MDFIC2: variants seen among roughly 807,000 people sequenced by gnomAD.
MDFIC2 encodes the protein MyoD family inhibitor domain containing 2.
At chr3:70,309,438 A>AG (rs1702436173) in intron 2 of MDFIC2, among the ~76,000 whole-genome samples, 1 of 152,182 alleles carries the variant, frequency 6.6e-6, no homozygotes, top group Non-Finnish European at 1.5e-5. Flanking sequence ...GCTTTTAAAG[A>AG]GGGAAAAAAA....
chr3:70,296,510 TAA>T (rs1204785162), intron 2 of MDFIC2, among the ~76,000 whole-genome samples: 1 of 152,038 alleles, frequency 6.6e-6, no homozygotes, highest in Non-Finnish European at 1.5e-5. Flanking sequence ...TAAGATAATT[TAA>T]AAAAAATCAT....
intron 2 of MDFIC2, among the ~76,000 whole-genome samples, chr3:70,213,060 T>TG (rs1442495186): frequency 1.4e-4 from 21 of 152,018 alleles, no homozygotes; most frequent in African/African-American, 5.1e-4. Flanking sequence ...TCACCTGCCT[T>TG]GGCCTCCCAA....
chr3:70,255,444 T>G (rs1205572733), intron 2 of MDFIC2, among the ~76,000 whole-genome samples: 1 of 152,150 alleles, frequency 6.6e-6, no homozygotes, highest in Non-Finnish European at 1.5e-5. Flanking sequence ...TCTTCTTTAT[T>G]TTAGAGACAG....
At chr3:70,203,677 C>T (rs1701264771) in intron 3 of MDFIC2, among the ~76,000 whole-genome samples, 1 of 152,028 alleles carries the variant, frequency 6.6e-6, no homozygotes, top group South Asian at 2.1e-4. Flanking sequence ...TCATTTTATT[C>T]AGTAGTCCAT....
At chr3:70,259,087 C>T (rs1441360776) in intron 2 of MDFIC2, among the ~76,000 whole-genome samples, 4 of 152,108 alleles carry the variant, frequency 2.6e-5, no homozygotes, top group Admixed American at 6.6e-5. Context: ...TGAAATTATA[C>T]GGTACCTCCT....
intron 2 of MDFIC2, among the ~76,000 whole-genome samples, chr3:70,265,540 C>G (rs13325656): frequency 0.012 from 1,901 of 152,096 alleles, 52 homozygotes; most frequent in African/African-American, 0.044. Context: ...ACCTTCCCAG[C>G]CATCTCAGGA....
chr3:70,238,734 T>A (rs1701636989), intron 2 of MDFIC2, among the ~76,000 whole-genome samples: 1 of 152,056 alleles, frequency 6.6e-6, no homozygotes, highest in African/African-American at 2.4e-5. Flanking sequence ...TCCCCATATT[T>A]AGTTGCTCCT....
At chr3:70,296,343 T>C (rs1342878192) in intron 2 of MDFIC2, among the ~76,000 whole-genome samples, 3 of 152,132 alleles carry the variant, frequency 2.0e-5, no homozygotes, top group Non-Finnish European at 4.4e-5. Flanking sequence ...TGAAACAGAC[T>C]CTTAACATGA....
intron 2 of MDFIC2, among the ~76,000 whole-genome samples, chr3:70,283,163 A>G (rs1226599400): frequency 1.3e-5 from 2 of 152,138 alleles, no homozygotes; most frequent in Non-Finnish European, 2.9e-5. Context: ...GGTGGTTGTG[A>G]GCATAAGCAG....
At chr3:70,277,824 A>T (rs1182587889) in intron 2 of MDFIC2, among the ~76,000 whole-genome samples, 1 of 152,092 alleles carries the variant, frequency 6.6e-6, no homozygotes, top group African/African-American at 2.4e-5. Context: ...GTTGAGATCT[A>T]TGTGCCAGGT....
chr3:70,241,093 C>T (rs11916204), intron 2 of MDFIC2, among the ~76,000 whole-genome samples: 1,880 of 152,192 alleles, frequency 0.012, 45 homozygotes, highest in African/African-American at 0.041. Flanking sequence ...ACACTGACTT[C>T]TGTGACTTCT....
rs542614674 is a variant in MDFIC2, at chr3:70,263,444, A to G, written c.88+48442T>C. Among the ~76,000 whole-genome samples the G allele has an allele frequency of 1.5e-4, 23 of 152,270 alleles. No individual in the cohort carries two copies. The East Asian group carries it at 4.1e-3, about 27-fold the overall frequency. ...CTTTTCTAAGGTGTGATCCTTCTGC[A>G]GTTGTGACCCTGAATGCTCCCATAC... On this transcript the variant is annotated intron_variant, in intron 2 of 3. Transcript: ENST00000567252.
chr3:70,294,164 A>G (rs1052876993), intron 2 of MDFIC2, among the ~76,000 whole-genome samples: 4 of 152,222 alleles, frequency 2.6e-5, no homozygotes, highest in Non-Finnish European at 5.9e-5. Context: ...CCTAGCATTT[A>G]AAAACTAGTG....
In MDFIC2 at chr3:70,196,350, G is replaced by A. The variant is rs1391642868; in HGVS notation, c.*576C>T. 1.3e-5 allele frequency among the ~76,000 whole-genome samples: 2 copies of A among 152,122 alleles called. No individual in the cohort carries two copies. The highest frequency in any genetic ancestry group is 2.9e-5 in the Non-Finnish European group (2 of 68,018). On this transcript the variant is annotated 3_prime_UTR_variant, in exon 4 of 4. Transcript: ENST00000567252. ...TTTAGAGACATCTGTTGTAATTACA[G>A]GAACATGGTTTCTAATTCATTTAAT...
chr3:70,282,923 G>C (rs1171590766), intron 2 of MDFIC2, among the ~76,000 whole-genome samples: 1 of 152,090 alleles, frequency 6.6e-6, no homozygotes, highest in Non-Finnish European at 1.5e-5. Flanking sequence ...TAGTAAAAGG[G>C]GTAATAAAAG....
intron 3 of MDFIC2, chr3:70,205,260 G>A (rs897862282): frequency 6.6e-6 from 1 of 152,114 alleles, no homozygotes; most frequent in African/African-American, 2.4e-5. Flanking sequence ...AGCTGGTACT[G>A]TGTCGAGGTA....
chr3:70,230,377 A>G (rs1281434611), intron 2 of MDFIC2, among the ~76,000 whole-genome samples: 2 of 152,224 alleles, frequency 1.3e-5, no homozygotes, highest in African/African-American at 4.8e-5. Context: ...ATATCCTTTC[A>G]TAAAAATCTG....
chr3:70,269,994 C>T (rs950256496), intron 2 of MDFIC2, among the ~76,000 whole-genome samples: 10 of 151,960 alleles, frequency 6.6e-5, no homozygotes, highest in Admixed American at 5.2e-4. Context: ...GAAAACAGAT[C>T]GAAACAAACA....
At chr3:70,268,462 G>A (rs1210576737) in intron 2 of MDFIC2, among the ~76,000 whole-genome samples, 6 of 121,242 alleles carry the variant, frequency 4.9e-5, no homozygotes, top group East Asian at 2.7e-4. Flanking sequence ...GCAACAGAGC[G>A]AGACTCCGTC....
Sources: allele counts gnomAD v4.1 joint callset (sites outside exome capture counted in the v4.1 genomes callset), GRCh38; gene constraint gnomAD v4.1.1; transcripts MANE v1.5; gene names NCBI Gene and HGNC (gene_info 2026-07-23, HGNC 2026-07-21).